Variants in DGKB observed in about 807,000 individuals in gnomAD.
DGKB encodes the protein 90 kDa diacylglycerol kinase.
In DGKB, 67 loss-of-function variants were observed where a neutral mutation model predicts 114.3. The observed-to-expected ratio is 0.59, with a 90% confidence interval of 0.48 to 0.72. The LOEUF is 0.72. Ranked by LOEUF, DGKB falls within the 30% of genes least tolerant of loss-of-function variation. The pLI is 0.00. For missense variants in DGKB, 907 were observed against 975.2 expected, an observed-to-expected ratio of 0.93 and a Z score of 0.93; for synonymous variants, 398 against 323.1, an observed-to-expected ratio of 1.23 and a Z score of -2.49.
intron 13 of DGKB, among the ~76,000 whole-genome samples, chr7:14,667,053 C>A (rs1472236467): frequency 6.6e-6 from 1 of 151,976 alleles, no homozygotes; most frequent in Non-Finnish European, 1.5e-5. Context: ...GGCCAATTAT[C>A]TGTGAAAGCC....
At chr7:14,477,344 T>C (rs1782333297) in intron 21 of DGKB, among the ~76,000 whole-genome samples, 1 of 152,204 alleles carries the variant, frequency 6.6e-6, no homozygotes, top group Non-Finnish European at 1.5e-5. Context: ...GCAGCGACAA[T>C]AAAGCCCTTG....
intron 20 of DGKB, among the ~76,000 whole-genome samples, chr7:14,529,759 A>G (rs1239467556): frequency 6.6e-6 from 1 of 151,804 alleles, no homozygotes; most frequent in Non-Finnish European, 1.5e-5. Flanking sequence ...CAACAGGTCC[A>G]TGAAACAAAA....
intron 10 of DGKB, among the ~76,000 whole-genome samples, chr7:14,683,326 AT>A (rs1306356283): frequency 3.3e-4 from 50 of 152,114 alleles, no homozygotes; most frequent in Admixed American, 3.3e-3. Context: ...CAGAGAAGAG[AT>A]TTCATCATAC....
At chr7:14,889,789 G>A (rs1279260436) in intron 1 of DGKB, among the ~76,000 whole-genome samples, 2 of 151,538 alleles carry the variant, frequency 1.3e-5, no homozygotes, top group Non-Finnish European at 3.0e-5. Flanking sequence ...GTATGGAATT[G>A]GAATCTGAAC....
intron 1 of DGKB, among the ~76,000 whole-genome samples, chr7:14,890,946 G>C (rs879854941): frequency 6.6e-6 from 1 of 150,672 alleles, no homozygotes; most frequent in Admixed American, 6.6e-5. Context: ...ACTACACTTA[G>C]TCGAATTAAA....
At chr7:14,801,923 T>TACAC (rs1272968730) in intron 2 of DGKB, among the ~76,000 whole-genome samples, 1,267 of 109,030 alleles carry the variant, frequency 0.012, 11 homozygotes, top group African/African-American at 0.07. Flanking sequence ...CATATATACA[T>TACAC]ATACACACAC....
chr7:14,274,259 G>A (rs781183098), intron 23 of DGKB, among the ~76,000 whole-genome samples: 3 of 152,150 alleles, frequency 2.0e-5, no homozygotes, highest in African/African-American at 4.8e-5. Flanking sequence ...AAGGTGATAC[G>A]CAGTGATAGT....
chr7:14,543,163 A>C (rs62443520), intron 20 of DGKB, among the ~76,000 whole-genome samples: 1 of 152,146 alleles, frequency 6.6e-6, no homozygotes, highest in African/African-American at 2.4e-5. Flanking sequence ...GTCAAGAAAG[A>C]CCATGGCCAG....
rs1400392078 is a variant in DGKB at position 14,468,380 on chromosome 7, C to T, written c.1835+9781G>A. Among the ~76,000 whole-genome samples the T allele has an allele frequency of 2.6e-5, 4 of 152,116 alleles. No individual in the cohort carries two copies. In the South Asian group the frequency reaches 6.2e-4, roughly 24 times the overall value. ...GCTGATGCTAACCTAGGTGGCAGGGCTGAACACAAGGGAACAGAAGCTTCA... is the reference window on the plus strand; with the variant it reads ...GCTGATGCTAACCTAGGTGGCAGGGTTGAACACAAGGGAACAGAAGCTTCA... On this transcript the variant is annotated intron_variant, in intron 21 of 25. Coordinates refer to ENST00000402815, the MANE Select transcript of DGKB (RefSeq NM_001350709.2).
At chr7:14,206,596 GGTCCCCACT>G (rs1786861125) in intron 23 of DGKB, among the ~76,000 whole-genome samples, 1 of 151,844 alleles carries the variant, frequency 6.6e-6, no homozygotes, top group East Asian at 1.9e-4. Context: ...AGGGACTGTG[GGTCCCCACT>G]GAGATATTTT....
intron 20 of DGKB, among the ~76,000 whole-genome samples, chr7:14,508,696 T>C (rs2128970534): frequency 6.6e-6 from 1 of 152,288 alleles, no homozygotes; most frequent in African/African-American, 2.4e-5. Flanking sequence ...GATAAGTTGA[T>C]ACTGAACTTC....
At chr7:14,720,965 A>G (rs1585966897) in intron 5 of DGKB, among the ~76,000 whole-genome samples, 1 of 152,278 alleles carries the variant, frequency 6.6e-6, no homozygotes, top group African/African-American at 2.4e-5. Context: ...GACCCTTGAC[A>G]TGACCATAAC....
rs547817755 is a variant in DGKB at position 14,355,681 on chromosome 7, G to A, written c.1836-10290C>T. On this transcript the variant is annotated intron_variant, in intron 21 of 25. Transcript: ENST00000402815. ...ATGTGCTGCTGGATTTGGTTTGCCAGTATTTTATTGAGGACTTTTGCATCG... is the reference window on the plus strand; with the variant it reads ...ATGTGCTGCTGGATTTGGTTTGCCAATATTTTATTGAGGACTTTTGCATCG... Among the ~76,000 whole-genome samples, 28 of 152,310 alleles carry A rather than the reference G, an allele frequency of 1.8e-4. No individual in the cohort carries two copies. The South Asian group carries it at 4.3e-3, about 24-fold the overall frequency.
At chr7:14,292,766 C>A (rs575868590) in intron 23 of DGKB, among the ~76,000 whole-genome samples, 1 of 152,254 alleles carries the variant, frequency 6.6e-6, no homozygotes, top group South Asian at 2.1e-4. Context: ...GATTTGAAGC[C>A]ATGAAATGAG....
At chr7:14,703,383 T>C (rs1246864856) in intron 6 of DGKB, among the ~76,000 whole-genome samples, 1 of 152,134 alleles carries the variant, frequency 6.6e-6, no homozygotes, top group African/African-American at 2.4e-5. Flanking sequence ...GAAACACACA[T>C]GGGTAGGATA....
At chr7:14,415,134 T>C (rs568871355) in intron 21 of DGKB, among the ~76,000 whole-genome samples, 3 of 151,948 alleles carry the variant, frequency 2.0e-5, no homozygotes, top group African/African-American at 7.2e-5. Context: ...TATAAAGTGA[T>C]TACATATAAA....
At chr7:14,180,991 C>G (rs1238406614) in intron 23 of DGKB, among the ~76,000 whole-genome samples, 1 of 151,938 alleles carries the variant, frequency 6.6e-6, no homozygotes. Context: ...GCCTATGGAC[C>G]AAATCTGGCC....
At chr7:14,475,140 T>C (rs554773379) in intron 21 of DGKB, among the ~76,000 whole-genome samples, 76 of 152,308 alleles carry the variant, frequency 5.0e-4, no homozygotes, top group South Asian at 3.1e-3. Context: ...TATAAATGAA[T>C]TTCAAGGTGA....
chr7:14,648,603 G>C (rs1813697393), intron 13 of DGKB, among the ~76,000 whole-genome samples: 1 of 152,180 alleles, frequency 6.6e-6, no homozygotes, highest in Non-Finnish European at 1.5e-5. Context: ...CTCCTCCAAA[G>C]GAATGCAGTT....
Sources: allele counts gnomAD v4.1 joint callset (sites outside exome capture counted in the v4.1 genomes callset), GRCh38; gene constraint gnomAD v4.1.1; transcripts MANE v1.5; gene names NCBI Gene and HGNC (gene_info 2026-07-23, HGNC 2026-07-21).